The following FLT3 variants were observed in gnomAD, a reference collection of about 807,000 sequenced individuals.
The protein encoded by FLT3 is fms related receptor tyrosine kinase 3.
Under a neutral mutation model 126.6 loss-of-function variants are expected in FLT3, and 46 were observed. The ratio of observed to expected loss-of-function variants is 0.36; its 90% confidence interval spans 0.29 to 0.46. The LOEUF (loss-of-function observed/expected upper bound fraction) is 0.46. Ranked by LOEUF, FLT3 falls within the 20% of genes least tolerant of loss-of-function variation. FLT3 has a pLI of 1.00. For synonymous variants in FLT3, 404 were observed against 434.4 expected (o/e 0.93, Z 0.87); for missense variants, 1,069 against 1,190.3 (o/e 0.90, Z 1.50).
At chr13:28,091,305 T>G (rs1440938978) in intron 1 of FLT3, among the ~76,000 whole-genome samples, 6 of 127,324 alleles carry the variant, frequency 4.7e-5, no homozygotes. Flanking sequence ...CACTGCAAGC[T>G]CCGCCTCCCG....
At chr13:28,023,624 A>G (rs1872583770) in intron 18 of FLT3, 147 bp from the exon 19 acceptor site, 1 of 857,638 alleles carries the variant, frequency 1.2e-6, no homozygotes, top group East Asian at 2.6e-5. Flanking sequence ...ATTAGAGATG[A>G]CCTGTTTATG....
Position 28,027,112 on chromosome 13 carries a change from G to C in FLT3, c.2183C>G (p.Thr728Ser). The change falls in exon 17 of 24, where the codon ACT (threonine) becomes AGT (serine). Residue 728 changes from threonine to serine, a missense_variant. Physicochemically the swap from Thr to Ser is moderately conservative, Grantham distance 58. Coordinates refer to ENST00000241453, the MANE Select transcript of FLT3 (RefSeq NM_004119.3). ...FKEHNFSFYP[T>S]FQSHPNSSMP... ...CCTGGAATTTGGATGTGATTGGAAAGTGGGGTAAAAACTGAAATTGTGTTC... is the reference window on the plus strand; with the variant it reads ...CCTGGAATTTGGATGTGATTGGAAACTGGGGTAAAAACTGAAATTGTGTTC... The C allele has an allele frequency of 6.2e-7, 1 of 1,613,700 alleles. No individual in the cohort carries two copies. The highest frequency in any genetic ancestry group is 8.5e-7 in the Non-Finnish European group (1 of 1,179,870).
At position 28,061,911 on chromosome 13, in the gene FLT3, C is replaced by A. The variant is rs1227729363; in HGVS notation, c.324G>T (p.Lys108Asn). The A allele has an allele frequency of 6.2e-7, 1 of 1,614,152 alleles. No homozygotes were observed. Among genetic ancestry groups the A allele is most frequent in the East Asian group, 2.2e-5 (1 of 44,892 alleles). ...PGNISCLWVF[K>N]HSSLNCQPHF... ...GTGGCTGGCAATTCAGGGAGCTGTG[C>A]TTAAAGACCCAGAGACAGGAAATGT... The change falls in exon 3 of 24, where the codon AAG (lysine) becomes AAT (asparagine). Residue 108 changes from lysine to asparagine, a missense_variant. Coordinates refer to ENST00000241453, the MANE Select transcript of FLT3 (RefSeq NM_004119.3).
chr13:28,073,352 GAAAAAA>G (rs35318238), intron 1 of FLT3: 221 of 298,512 alleles, frequency 7.4e-4, no homozygotes, highest in South Asian at 9.9e-4. Flanking sequence ...CTCATCTCTG[GAAAAAA>G]AAAAAAAAAA....
chr13:28,023,798 A>AT (rs1872594869), intron 18 of FLT3, among the ~76,000 whole-genome samples: 1 of 119,016 alleles, frequency 8.4e-6, no homozygotes, highest in Non-Finnish European at 1.8e-5. Context: ...TTAATTGTCT[A>AT]TCCCTTTTTT....
In FLT3 at chr13:28,061,875, T is replaced by C; in HGVS notation, c.360A>G (p.Leu120=). 3 of 1,613,478 alleles carry C rather than the reference T, an allele frequency of 1.9e-6. No homozygotes were observed. Among genetic ancestry groups the C allele is most frequent in the African/African-American group, 1.3e-5 (1 of 75,016 alleles). Residue 120 remains leucine, a synonymous_variant, in exon 3 of 24, where the codon TTA becomes TTG. Transcript: ENST00000241453. Reference sequence around the variant, plus strand: ...GGTATTCCTCCACTTACCTGTTTTGTAAATCAAAATGTGGCTGGCAATTCA... The same window carrying C: ...GGTATTCCTCCACTTACCTGTTTTGCAAATCAAAATGTGGCTGGCAATTCA... ...SSLNCQPHFD[L]QNRGVVSMVI...
rs1299201345 is a variant in FLT3 at position 28,052,311 on chromosome 13, G to A, written c.614+234C>T. ...GGGTTTCACCATGTTGGCCAGGCTG[G>A]TCTCAAACTCCTGACCTCAAGTGAT... On this transcript the variant is annotated intron_variant, in intron 5 of 23. Transcript: ENST00000241453. Among the ~76,000 whole-genome samples, 712 of 150,922 alleles carry A rather than the reference G, an allele frequency of 4.7e-3. 6 individuals are homozygous for A. Among genetic ancestry groups the A allele is most frequent in the African/African-American group, 0.016 (659 of 40,464 alleles).
In FLT3 at chr13:28,027,014, G is replaced by A. The variant is rs568963042; in HGVS notation, c.2207+74C>T. 4.4e-5 allele frequency: 58 copies of A among 1,316,580 alleles called. 2 individuals carry two copies. In the South Asian group the frequency reaches 6.5e-4, roughly 15 times the overall value. 81.6% of individuals were successfully genotyped at this position (1,316,580 alleles called of 1,614,324 possible). ...ACGGTGCCTTTAGAAACTGGTCAAC[G>A]AAGTGTGTTTGAACAGCACACTTTG... is the stretch of plus-strand genomic sequence containing the variant. On this transcript the variant is annotated intron_variant, in intron 17 of 23. Transcript: ENST00000241453.
chr13:28,089,680 C>A (rs1480492134), intron 1 of FLT3, among the ~76,000 whole-genome samples: 2 of 151,586 alleles, frequency 1.3e-5, no homozygotes, highest in Non-Finnish European at 2.9e-5. Context: ...AAAGAGAGTA[C>A]TGGTTGTGAG....
intron 1 of FLT3, among the ~76,000 whole-genome samples, chr13:28,091,236 T>TTTTTTTTC (rs1879027238): frequency 7.9e-6 from 1 of 126,308 alleles, no homozygotes; most frequent in Non-Finnish European, 1.7e-5. Flanking sequence ...TTTTTTTTTT[T>TTTTTTTTC]TTTGAGACGG....
At chr13:28,094,881 G>C (rs1389926113) in intron 1 of FLT3, among the ~76,000 whole-genome samples, 1 of 152,202 alleles carries the variant, frequency 6.6e-6, no homozygotes, top group Non-Finnish European at 1.5e-5. Flanking sequence ...TTAGTGACCA[G>C]TAGTGACTTC....
intron 23 of FLT3, 151 bp downstream of exon 23, chr13:28,014,301 G>A (rs998733246): frequency 1.2e-5 from 7 of 598,104 alleles, no homozygotes; most frequent in Non-Finnish European, 1.8e-5. Context: ...AATAAATAAA[G>A]TCTTACCCCA....
intron 19 of FLT3, among the ~76,000 whole-genome samples, chr13:28,021,930 G>T (rs953350048): frequency 6.6e-6 from 1 of 151,624 alleles, no homozygotes; most frequent in African/African-American, 2.4e-5. Flanking sequence ...ATAGAGACGG[G>T]GTTTCACCGT....
chr13:28,061,021 A>G (rs185610312), intron 3 of FLT3, among the ~76,000 whole-genome samples: 1 of 152,128 alleles, frequency 6.6e-6, no homozygotes, highest in Non-Finnish European at 1.5e-5. Context: ...CATCTTGTAT[A>G]GGTGTGATAT....
intron 17 of FLT3, among the ~76,000 whole-genome samples, 156 bp from the exon 18 acceptor site, chr13:28,025,099 A>T (rs1250646827): frequency 6.6e-6 from 1 of 152,258 alleles, no homozygotes; most frequent in Non-Finnish European, 1.5e-5. Flanking sequence ...GTGTACATTA[A>T]AAACATCTGT....
At chr13:28,056,701 C>T (rs2387348) in intron 4 of FLT3, among the ~76,000 whole-genome samples, 151,775 of 152,322 alleles carry the variant, frequency 1, 75,616 homozygotes, top group Middle Eastern at 1. Context: ...CATGTGGGCC[C>T]GCGCTGTCCA....
intron 9 of FLT3, among the ~76,000 whole-genome samples, chr13:28,043,435 G>A (rs1050115381): frequency 1.3e-5 from 2 of 152,218 alleles, no homozygotes; most frequent in South Asian, 2.1e-4. Flanking sequence ...TGGGGAAGCC[G>A]AGAGATTTCT....
At chr13:28,009,534 T>C (rs1341010718) in intron 23 of FLT3, 4 of 152,178 alleles carry the variant, frequency 2.6e-5, no homozygotes, top group African/African-American at 4.8e-5. Flanking sequence ...AAGCCAATTA[T>C]GGCCTCACTT....
At chr13:28,083,255 C>CT (rs1005772352) in intron 1 of FLT3, among the ~76,000 whole-genome samples, 10 of 150,926 alleles carry the variant, frequency 6.6e-5, no homozygotes, top group East Asian at 1.9e-4. Context: ...TGGTTTTGTT[C>CT]TTTTTTTTTA....
Sources: allele counts gnomAD v4.1 joint callset (sites outside exome capture counted in the v4.1 genomes callset), GRCh38; gene constraint gnomAD v4.1.1; transcripts MANE v1.5; gene names NCBI Gene and HGNC (gene_info 2026-07-23, HGNC 2026-07-21).